The following DPF3 variants were observed in gnomAD, a reference collection of about 807,000 sequenced individuals.
The protein encoded by DPF3 is double PHD fingers 3, also known as zinc finger protein DPF3.
DPF3 carries 18 observed loss-of-function variants against 56.8 expected under a neutral mutation model. The observed-to-expected ratio is 0.32, with a 90% CI of 0.22 to 0.47. The LOEUF is 0.47. Among genes scored for constraint, DPF3 ranks in the 20% least tolerant of loss-of-function variants. The pLI is 1.00. For missense variants in DPF3, 403 were observed against 488.8 expected, an observed-to-expected ratio of 0.82 and a Z score of 1.65; for synonymous variants, 188 against 180.2, an observed-to-expected ratio of 1.04 and a Z score of -0.35.
intron 7 of DPF3, among the ~76,000 whole-genome samples, chr14:72,688,437 CT>C (rs1887528902): frequency 6.6e-6 from 1 of 152,148 alleles, no homozygotes; most frequent in African/African-American, 2.4e-5. Flanking sequence ...TATCCTCACT[CT>C]AAAAATTACC....
chr14:72,672,066 C>CAG (rs1483005223), intron 8 of DPF3, among the ~76,000 whole-genome samples: 21 of 137,898 alleles, frequency 1.5e-4, no homozygotes, highest in East Asian at 1.1e-3. Flanking sequence ...CACAGACACA[C>CAG]ACACACACAC....
chr14:72,885,083 G>A (rs530705425), intron 1 of DPF3, among the ~76,000 whole-genome samples: 3,821 of 141,918 alleles, frequency 0.027, 88 homozygotes, highest in Middle Eastern at 0.071. Context: ...CCGAGATCGC[G>A]ACACTGCACT....
intron 1 of DPF3, among the ~76,000 whole-genome samples, chr14:72,832,580 A>C (rs1337175846): frequency 2.0e-5 from 3 of 150,856 alleles, no homozygotes; most frequent in Non-Finnish European, 4.4e-5. Flanking sequence ...CAAAAAGTAA[A>C]GTAACCATGA....
At chr14:72,698,545 C>T (rs1465992968) in intron 6 of DPF3, among the ~76,000 whole-genome samples, 3 of 152,080 alleles carry the variant, frequency 2.0e-5, no homozygotes, top group Admixed American at 6.5e-5. Context: ...AAATTAGCCA[C>T]GTGTGGTGGT....
At chr14:72,760,530 T>C (rs1269291698) in intron 2 of DPF3, among the ~76,000 whole-genome samples, 2 of 152,160 alleles carry the variant, frequency 1.3e-5, no homozygotes, top group Non-Finnish European at 2.9e-5. Flanking sequence ...TTTCAGTAAT[T>C]AAAATGTGGA....
At chr14:72,619,867 T>C in intron 10 of DPF3, 36 bp downstream of exon 10, 1 of 1,506,342 alleles carries the variant, frequency 6.6e-7, no homozygotes, top group Non-Finnish European at 8.9e-7. Flanking sequence ...TAGTAGTATC[T>C]GTTGCTGTTC....
At chr14:72,678,313 C>T (rs4903045) in intron 7 of DPF3, among the ~76,000 whole-genome samples, 75,489 of 152,062 alleles carry the variant, frequency 0.5, 19,908 homozygotes, top group East Asian at 0.94. Flanking sequence ...TTAGAGTCAA[C>T]CTGATTCGCC....
intron 10 of DPF3, 24 bp downstream of exon 10, chr14:72,619,879 T>C: frequency 5.9e-6 from 9 of 1,523,546 alleles, no homozygotes; most frequent in Non-Finnish European, 7.9e-6. Flanking sequence ...TTGCTGTTCT[T>C]ATTGTTGACT....
intron 1 of DPF3, among the ~76,000 whole-genome samples, chr14:72,802,342 C>T (rs932630998): frequency 4.6e-4 from 70 of 152,152 alleles, no homozygotes; most frequent in Admixed American, 4.5e-3. Context: ...TGAAGCCCAT[C>T]GCTAAGTGTT....
intron 1 of DPF3, among the ~76,000 whole-genome samples, chr14:72,882,633 G>T (rs977720596): frequency 6.6e-6 from 1 of 152,166 alleles, no homozygotes; most frequent in African/African-American, 2.4e-5. Flanking sequence ...TTTCCACTTA[G>T]CATTCATCAC....
chr14:72,747,106 A>G (rs10146484), intron 3 of DPF3, among the ~76,000 whole-genome samples: 64,650 of 152,112 alleles, frequency 0.43, 13,998 homozygotes, highest in Admixed American at 0.48. Flanking sequence ...GAGCAGCACA[A>G]CAAATTCTTC....
chr14:72,872,794 C>A (rs1178928209), intron 1 of DPF3, among the ~76,000 whole-genome samples: 1 of 152,150 alleles, frequency 6.6e-6, no homozygotes, highest in African/African-American at 2.4e-5. Flanking sequence ...TGATCTTTGA[C>A]AAACCTGACA....
At chr14:72,625,843 CT>C (rs1324556455) in intron 9 of DPF3, among the ~76,000 whole-genome samples, 7 of 152,076 alleles carry the variant, frequency 4.6e-5, no homozygotes, top group African/African-American at 7.2e-5. Flanking sequence ...TTTGGTTATT[CT>C]TTTTCTGACT....
At chr14:72,841,150 G>T (rs1884527911) in intron 1 of DPF3, among the ~76,000 whole-genome samples, 2 of 11,280 alleles carry the variant, frequency 1.8e-4, no homozygotes, top group Admixed American at 9.0e-4. Flanking sequence ...GTGAGATGTT[G>T]TTTCTAGCTT....
In DPF3 at chr14:72,864,871, G is replaced by C. The variant is rs1241418194; in HGVS notation, c.32+29186C>G. Among the ~76,000 whole-genome samples the C allele has an allele frequency of 4.6e-5, 7 of 152,386 alleles. No individual in the cohort carries two copies. In the East Asian group the frequency reaches 1.3e-3, roughly 29 times the overall value. ...GTCCCCACAAGCCACAATGTGGCCTGAATGGGAGGTGAACAGAGTAGGGGA... is the reference window on the plus strand; with the variant it reads ...GTCCCCACAAGCCACAATGTGGCCTCAATGGGAGGTGAACAGAGTAGGGGA... On this transcript the variant is annotated intron_variant, in intron 1 of 10. Coordinates refer to ENST00000556509, the MANE Select transcript of DPF3 (RefSeq NM_001280542.3).
At chr14:72,893,461 C>T (rs891719410) in intron 1 of DPF3, among the ~76,000 whole-genome samples, 1 of 152,132 alleles carries the variant, frequency 6.6e-6, no homozygotes, top group African/African-American at 2.4e-5. Flanking sequence ...GCCCGGGACC[C>T]GCTGCTTCCC....
chr14:72,713,569 C>G (rs1378602224), intron 6 of DPF3, among the ~76,000 whole-genome samples: 1 of 152,230 alleles, frequency 6.6e-6, no homozygotes, highest in Non-Finnish European at 1.5e-5. Context: ...TGGCGAAGCT[C>G]TGCATCCTCA....
chr14:72,887,607 A>G (rs892192603), intron 1 of DPF3, among the ~76,000 whole-genome samples: 1 of 152,244 alleles, frequency 6.6e-6, no homozygotes, highest in African/African-American at 2.4e-5. Context: ...ATCCACCATA[A>G]TAAGAGCCAG....
chr14:72,631,134 G>A (rs1481825770), intron 8 of DPF3, among the ~76,000 whole-genome samples: 2 of 152,168 alleles, frequency 1.3e-5, no homozygotes, highest in South Asian at 4.1e-4. Flanking sequence ...TCTTGGAGAG[G>A]GCGAGGGGTG....
Sources: gnomAD v4.1 joint callset for allele counts (sites outside exome capture counted in the v4.1 genomes callset) on GRCh38, gnomAD v4.1.1 for gene constraint, MANE v1.5 for transcripts, NCBI Gene and HGNC (gene_info 2026-07-23, HGNC 2026-07-21) for gene names.